The following VRK2 variants were observed in gnomAD, a reference collection of about 807,000 sequenced individuals.
VRK2 encodes the protein VRK serine/threonine kinase 2, also known as serine/threonine-protein kinase VRK2.
VRK2 carries 60 observed loss-of-function variants against 57.6 expected under a neutral mutation model. The observed-to-expected ratio is 1.04, with a 90% CI of 0.85 to 1.29. VRK2 has a LOEUF of 1.29. VRK2 is among the 50% of genes most tolerant of loss of function. The probability of loss-of-function intolerance (pLI) is 0.00; values close to 1 mark genes in which losing one functional copy is unlikely to be tolerated. For synonymous variants in VRK2, 231 were observed against 199.2 expected (o/e 1.16, Z -1.35); for missense variants, 705 against 588.1 (o/e 1.20, Z -2.06).
chr2:58,057,518 C>T (rs1426251099), intron 2 of VRK2, among the ~76,000 whole-genome samples: 1 of 152,016 alleles, frequency 6.6e-6, no homozygotes, highest in African/African-American at 2.4e-5. Flanking sequence ...TCTAATAAAA[C>T]AGTTCTTCTG....
chr2:58,143,007 A>T (rs1253833917), intron 11 of VRK2, among the ~76,000 whole-genome samples: 2 of 151,884 alleles, frequency 1.3e-5, no homozygotes, highest in Non-Finnish European at 2.9e-5. Flanking sequence ...CCCTTCATTC[A>T]CCTTAAATCT....
intron 2 of VRK2, among the ~76,000 whole-genome samples, chr2:58,031,332 A>G (rs1281810910): frequency 1.3e-5 from 2 of 151,958 alleles, no homozygotes; most frequent in Admixed American, 6.6e-5. Flanking sequence ...AAATCAGAAG[A>G]AGAGAGGCTT....
chr2:58,146,575 G>A, intron 12 of VRK2, 101 bp downstream of exon 12: 1 of 1,339,832 alleles, frequency 7.5e-7, no homozygotes, highest in Non-Finnish European at 1.0e-6. Flanking sequence ...GGCCAAGGTT[G>A]TATGGTTTTG....
chr2:57,952,257 A>G (rs1671450643), intron 1 of VRK2, among the ~76,000 whole-genome samples: 1 of 152,164 alleles, frequency 6.6e-6, no homozygotes. Context: ...TGGTCTGGAA[A>G]AAAACCCACA....
intron 2 of VRK2, among the ~76,000 whole-genome samples, chr2:58,066,156 G>T (rs1395976939): frequency 6.6e-6 from 1 of 152,128 alleles, no homozygotes; most frequent in Admixed American, 6.6e-5. Context: ...TAGAAATAGC[G>T]AGAGTGCTCA....
At chr2:58,154,298 A>G (rs1475876104) in intron 12 of VRK2, among the ~76,000 whole-genome samples, 5 of 148,682 alleles carry the variant, frequency 3.4e-5, no homozygotes, top group Non-Finnish European at 3.0e-5. Flanking sequence ...TCTAATTTCT[A>G]TCTTTCTGCT....
At chr2:58,158,763 T>TTTG (rs1487770450) in intron 12 of VRK2, among the ~76,000 whole-genome samples, 1 of 152,090 alleles carries the variant, frequency 6.6e-6, no homozygotes, top group Non-Finnish European at 1.5e-5. Flanking sequence ...AACCAGTTAA[T>TTTG]TTGTTTTATA....
At chr2:58,009,303 T>C (rs1673348294) in intron 1 of VRK2, among the ~76,000 whole-genome samples, 1 of 151,926 alleles carries the variant, frequency 6.6e-6, no homozygotes, top group Non-Finnish European at 1.5e-5. Flanking sequence ...TACATTGCTA[T>C]ATGTAGAGTA....
chr2:57,919,867 C>T (rs1185698629), intron 1 of VRK2, among the ~76,000 whole-genome samples: 1 of 151,976 alleles, frequency 6.6e-6, no homozygotes, highest in Non-Finnish European at 1.5e-5. Flanking sequence ...TCACATACCT[C>T]TTAAAAAGGA....
At chr2:58,036,350 A>T (rs1357989243) in intron 3 of VRK2, among the ~76,000 whole-genome samples, 2 of 152,010 alleles carry the variant, frequency 1.3e-5, no homozygotes, top group Admixed American at 6.6e-5. Flanking sequence ...GTAGTACTAA[A>T]TTAATTTCCC....
chr2:58,029,147 A>T (rs544979447), intron 2 of VRK2, among the ~76,000 whole-genome samples: 64 of 151,740 alleles, frequency 4.2e-4, no homozygotes, highest in African/African-American at 1.4e-3. Context: ...TATTTGATAA[A>T]TTTCTTGAAA....
intron 1 of VRK2, among the ~76,000 whole-genome samples, chr2:57,910,359 T>C (rs1490426679): frequency 6.6e-6 from 1 of 152,120 alleles, no homozygotes; most frequent in African/African-American, 2.4e-5. Context: ...ATTATGACAA[T>C]AAAACACAAC....
intron 1 of VRK2, among the ~76,000 whole-genome samples, chr2:57,932,615 G>A (rs1157708211): frequency 6.6e-6 from 1 of 151,640 alleles, no homozygotes; most frequent in Non-Finnish European, 1.5e-5. Flanking sequence ...AGGTTATGTT[G>A]TTTCTCTTTT....
chr2:58,041,310 T>C (rs1674447790), intron 3 of VRK2, among the ~76,000 whole-genome samples: 1 of 152,128 alleles, frequency 6.6e-6, no homozygotes, highest in Non-Finnish European at 1.5e-5. Flanking sequence ...TGACTATAAA[T>C]GAAAAATAAA....
intron 2 of VRK2, among the ~76,000 whole-genome samples, chr2:58,052,313 A>G (rs75631264): frequency 0.033 from 4,980 of 152,252 alleles, 124 homozygotes; most frequent in Admixed American, 0.05. Flanking sequence ...CCCATTCTTA[A>G]TACTGGTGCC....
At position 58,086,352 on chromosome 2, in the gene VRK2, A is replaced by G. The variant is rs1254573115; in HGVS notation, c.270A>G (p.Ile90Met). 11 of 1,603,894 alleles carry G rather than the reference A, an allele frequency of 6.9e-6. 1 individual carries two copies. The Admixed American group carries it at 1.9e-4, about 28-fold the overall frequency. ...TTGTCTTTGTAGTCAAAAAGTGGAT[A>G]GAACGCAAACAACTTGATTATTTAG... Reference protein sequence around the residue: ...VAKKDCIKKWIERKQLDYLGI... With the variant: ...VAKKDCIKKWMERKQLDYLGI... The change falls in exon 5 of 13, where the codon ATA becomes ATG. Residue 90 changes from isoleucine (I) to methionine (M), a missense_variant. Ile to Met is a conservative substitution (Grantham distance 10, BLOSUM62 1). Coordinates refer to ENST00000340157, the MANE Select transcript of VRK2 (RefSeq NM_006296.7).
intron 11 of VRK2, among the ~76,000 whole-genome samples, chr2:58,144,055 ATAT>A (rs1479828384): frequency 6.6e-6 from 1 of 151,832 alleles, no homozygotes; most frequent in Admixed American, 6.6e-5. Context: ...ACACAATGGA[ATAT>A]TATTCAGCCA....
intron 1 of VRK2, among the ~76,000 whole-genome samples, chr2:57,942,332 G>T (rs541485021): frequency 6.6e-6 from 1 of 152,280 alleles, no homozygotes; most frequent in East Asian, 1.9e-4. Flanking sequence ...TTATGCAGAG[G>T]AAGACAAAAT....
intron 1 of VRK2, among the ~76,000 whole-genome samples, chr2:57,957,076 G>GA (rs575516301): frequency 1.3e-5 from 2 of 151,470 alleles, no homozygotes; most frequent in East Asian, 3.9e-4. Context: ...GAGGAGGTGA[G>GA]AAAAAAAAGG....
Sources: gnomAD v4.1 joint callset for allele counts (sites outside exome capture counted in the v4.1 genomes callset) on GRCh38, gnomAD v4.1.1 for gene constraint, MANE v1.5 for transcripts, NCBI Gene and HGNC (gene_info 2026-07-23, HGNC 2026-07-21) for gene names.